Variants in DOCK7 observed in about 807,000 individuals in gnomAD.
The protein encoded by DOCK7 is dedicator of cytokinesis 7.
Under a neutral mutation model 271.0 loss-of-function variants are expected in DOCK7, and 138 were observed. That is an observed-to-expected ratio of 0.51 (90% CI 0.44 to 0.59). The LOEUF (loss-of-function observed/expected upper bound fraction) is 0.59, where lower values mean the gene tolerates loss of function less well. Ranked by LOEUF, DOCK7 falls within the 20% of genes least tolerant of loss-of-function variation. The probability of loss-of-function intolerance (pLI) is 0.00; values close to 1 mark genes in which losing one functional copy is unlikely to be tolerated. For synonymous variants in DOCK7, 823 were observed against 876.1 expected, an observed-to-expected ratio of 0.94 and a Z score of 1.07; for missense variants, 2,066 against 2,592.4, an observed-to-expected ratio of 0.80 and a Z score of 4.41.
intron 22 of DOCK7, among the ~76,000 whole-genome samples, chr1:62,546,684 CT>C (rs1645719562): frequency 6.6e-6 from 1 of 152,004 alleles, no homozygotes; most frequent in Non-Finnish European, 1.5e-5. Context: ...TCTTAAAATG[CT>C]TTCTATCAAA....
At chr1:62,654,287 G>A in intron 2 of DOCK7, 128 bp from the exon 3 acceptor site, 1 of 908,016 alleles carries the variant, frequency 1.1e-6, no homozygotes, top group Non-Finnish European at 1.6e-6. Flanking sequence ...AATTTTCACA[G>A]ATATTCAACC....
chr1:62,477,674 A>G, intron 44 of DOCK7, 26 bp downstream of exon 44: 1 of 1,560,902 alleles, frequency 6.4e-7, no homozygotes, highest in Non-Finnish European at 8.7e-7. Context: ...TAAAGATGAC[A>G]TTTTATGAAC....
At chr1:62,563,512 AAG>A (rs1321059066) in intron 18 of DOCK7, among the ~76,000 whole-genome samples, 2 of 152,160 alleles carry the variant, frequency 1.3e-5, no homozygotes, top group Non-Finnish European at 2.9e-5. Flanking sequence ...CAAATGAAAA[AAG>A]ACTCACCAAA....
intron 41 of DOCK7, among the ~76,000 whole-genome samples, chr1:62,491,361 T>C (rs1646459896): frequency 6.6e-6 from 1 of 152,242 alleles, no homozygotes; most frequent in African/African-American, 2.4e-5. Context: ...ACCTCGGTGC[T>C]GGTACACTAA....
At chr1:62,684,134 G>C (rs561365417) in intron 1 of DOCK7, among the ~76,000 whole-genome samples, 1 of 151,654 alleles carries the variant, frequency 6.6e-6, no homozygotes, top group South Asian at 2.1e-4. Context: ...GCCTGAACCC[G>C]GGGCAGTGGG....
intron 21 of DOCK7, among the ~76,000 whole-genome samples, chr1:62,553,525 T>C (rs966802915): frequency 8.0e-5 from 12 of 149,508 alleles, no homozygotes; most frequent in Non-Finnish European, 1.6e-4. Context: ...CACACCACCA[T>C]GCCCGGGTAA....
At chr1:62,565,758 G>A (rs1646492502) in intron 18 of DOCK7, among the ~76,000 whole-genome samples, 1 of 152,174 alleles carries the variant, frequency 6.6e-6, no homozygotes, top group Non-Finnish European at 1.5e-5. Context: ...TAGGAAAAGA[G>A]GAAGTCAAAT....
rs386367151 is a variant in DOCK7, at chr1:62,639,426, CTTTTTTT to C, written c.819-2830_819-2824del. On this transcript the variant is annotated intron_variant, in intron 7 of 49. Coordinates refer to ENST00000635253, the MANE Select transcript of DOCK7 (RefSeq NM_001367561.1). ...AACTTAGTGCAAACTTTGTAATACT[CTTTTTTT>C]TTTTTTTTTTTTTTTTTTTGAGATG... 1.3e-3 allele frequency among the ~76,000 whole-genome samples: 95 copies of C among 75,856 alleles called. 1 individual carries two copies. The highest frequency in any genetic ancestry group is 3.3e-3 in the Admixed American group (20 of 6,056). 49.8% of individuals were successfully genotyped at this position (75,856 alleles called of 152,430 possible). A position where few individuals can be genotyped will look rare whatever the true frequency, so the allele number is the denominator to read the frequency against.
At chr1:62,499,622 C>G (rs1362650807) in intron 37 of DOCK7, among the ~76,000 whole-genome samples, 2 of 151,964 alleles carry the variant, frequency 1.3e-5, no homozygotes, top group Admixed American at 6.6e-5. Context: ...ATCTGAAATC[C>G]CAGCACTTTG....
rs1180533197 is a variant in DOCK7, at chr1:62,684,950, T to C, written c.38+3277A>G. Among the ~76,000 whole-genome samples, 9 of 152,328 alleles carry C rather than the reference T, an allele frequency of 5.9e-5. No homozygotes were observed. The South Asian group carries it at 1.0e-3, about 18-fold the overall frequency. ...GATCATTATAATTCTTTTTAAAGTA[T>C]AGGTTTCTGAACAATCACAAAGCTT... On this transcript the variant is annotated intron_variant, in intron 1 of 49. Coordinates refer to ENST00000635253, the MANE Select transcript of DOCK7 (RefSeq NM_001367561.1).
At chr1:62,513,645 A>C (rs769821929) in intron 32 of DOCK7, 39 bp from the exon 33 acceptor site, 1 of 1,602,430 alleles carries the variant, frequency 6.2e-7, no homozygotes, top group Admixed American at 1.7e-5. Context: ...GTATTGAGGA[A>C]ATTTTCTTCT....
intron 37 of DOCK7, among the ~76,000 whole-genome samples, chr1:62,500,710 A>T (rs1360725320): frequency 6.6e-6 from 1 of 152,210 alleles, no homozygotes; most frequent in African/African-American, 2.4e-5. Context: ...ACAATATTTA[A>T]TGTCAGAAGA....
In DOCK7 at chr1:62,543,892, A is replaced by G. The variant is rs551425729; in HGVS notation, c.2860-147T>C. On this transcript the variant is annotated intron_variant, in intron 23 of 49. Coordinates refer to ENST00000635253, the MANE Select transcript of DOCK7 (RefSeq NM_001367561.1). ...TTTTATTGCTCATCTCATTTTCACC[A>G]TGTTAAGCTGCTTTAATGACAATGC... 1.5e-5 allele frequency: 8 copies of G among 528,956 alleles called. No individual in the cohort carries two copies. The South Asian group carries it at 2.7e-4, about 18-fold the overall frequency. The allele number at this position is 528,956 out of a possible 1,614,324, so 32.8% of individuals were successfully genotyped here. A position where few individuals can be genotyped will look rare whatever the true frequency, so the allele number is the denominator to read the frequency against.
chr1:62,656,658 G>C (rs1658048842), intron 2 of DOCK7, among the ~76,000 whole-genome samples: 1 of 151,984 alleles, frequency 6.6e-6, no homozygotes, highest in Non-Finnish European at 1.5e-5. Context: ...AGAGAAAAAG[G>C]CTGGCCGGCA....
At chr1:62,529,561 C>A (rs969459292) in intron 29 of DOCK7, 115 bp from the exon 30 acceptor site, 1 of 700,542 alleles carries the variant, frequency 1.4e-6, no homozygotes. Flanking sequence ...CAATTTCTTA[C>A]CTTTGTCATA....
chr1:62,455,141 A>G lies in DOCK7; in HGVS notation c.*273T>C. 1.8e-6 allele frequency: 1 copy of G among 540,694 alleles called. No individual in the cohort carries two copies. Among genetic ancestry groups the G allele is most frequent in the Non-Finnish European group, 3.2e-6 (1 of 308,238 alleles). The allele number at this position is 540,694 out of a possible 1,614,324, so 33.5% of individuals were successfully genotyped here. The stretch of plus-strand genomic sequence containing the variant: ...CGAACTTAAAGTGAATAAATTTTTA[A>G]CCTTAGCTATGGTATAAATAATGGT... On this transcript the variant is annotated 3_prime_UTR_variant, in exon 50 of 50. Coordinates refer to ENST00000635253, the MANE Select transcript of DOCK7 (RefSeq NM_001367561.1).
intron 14 of DOCK7, chr1:62,601,934 C>A: frequency 8.8e-7 from 1 of 1,130,528 alleles, no homozygotes; most frequent in Non-Finnish European, 1.3e-6. Context: ...TTACTCATTA[C>A]GTATTAGGAA....
intron 2 of DOCK7, among the ~76,000 whole-genome samples, chr1:62,658,139 GA>G (rs376855907): frequency 0.022 from 2,886 of 131,828 alleles, 69 homozygotes; most frequent in African/African-American, 0.05. Flanking sequence ...TTTAGACAAA[GA>G]AAAAAAAAAA....
At chr1:62,574,333 G>A (rs1298528720) in intron 18 of DOCK7, among the ~76,000 whole-genome samples, 2 of 152,164 alleles carry the variant, frequency 1.3e-5, no homozygotes, top group African/African-American at 4.8e-5. Context: ...ATAAATTCTT[G>A]CTGGAGAAAA....
Sources: gnomAD v4.1 joint callset for allele counts (sites outside exome capture counted in the v4.1 genomes callset) on GRCh38, gnomAD v4.1.1 for gene constraint, MANE v1.5 for transcripts, NCBI Gene and HGNC (gene_info 2026-07-23, HGNC 2026-07-21) for gene names.